The following PTPRK variants were observed in gnomAD, a reference collection of about 807,000 sequenced individuals.
PTPRK encodes protein tyrosine phosphatase receptor type K, also known as receptor-type tyrosine-protein phosphatase kappa.
In PTPRK, 75 loss-of-function variants were observed where a neutral mutation model predicts 178.0. That is an observed-to-expected ratio of 0.42 (90% CI 0.35 to 0.51). The LOEUF (loss-of-function observed/expected upper bound fraction) is 0.51. Among genes scored for constraint, PTPRK ranks in the 20% least tolerant of loss-of-function variants. The pLI is 0.02. For synonymous variants in PTPRK, 637 were observed against 620.6 expected, an observed-to-expected ratio of 1.03 and a Z score of -0.39; for missense variants, 1,441 against 1,797.8, an observed-to-expected ratio of 0.80 and a Z score of 3.59.
At chr6:128,236,380 G>A (rs368819145) in intron 5 of PTPRK, among the ~76,000 whole-genome samples, 3 of 118,352 alleles carry the variant, frequency 2.5e-5, no homozygotes, top group Admixed American at 1.2e-4. Flanking sequence ...ACACATTCTC[G>A]CTCTGTCACC....
intron 13 of PTPRK, among the ~76,000 whole-genome samples, chr6:128,009,934 G>A (rs968523394): frequency 1.3e-5 from 2 of 151,004 alleles, no homozygotes; most frequent in Non-Finnish European, 3.0e-5. Context: ...TTCTTTGTAT[G>A]CCCTAACTTC....
chr6:128,507,471 T>A (rs1450412821), intron 1 of PTPRK, among the ~76,000 whole-genome samples: 1 of 152,090 alleles, frequency 6.6e-6, no homozygotes, highest in Non-Finnish European at 1.5e-5. Flanking sequence ...GTTGTCCCCT[T>A]CATAATGAAT....
chr6:128,343,767 T>A (rs1219095942), intron 2 of PTPRK, among the ~76,000 whole-genome samples: 1 of 152,226 alleles, frequency 6.6e-6, no homozygotes, highest in Non-Finnish European at 1.5e-5. Flanking sequence ...AACAGAGTTG[T>A]TTGCATTTTT....
intron 3 of PTPRK, among the ~76,000 whole-genome samples, chr6:128,279,305 A>C (rs1040560064): frequency 9.9e-5 from 15 of 152,212 alleles, no homozygotes; most frequent in Non-Finnish European, 2.1e-4. Context: ...ACAACAACAA[A>C]AAATTAACAT....
intron 2 of PTPRK, among the ~76,000 whole-genome samples, chr6:128,340,311 A>T (rs1234684037): frequency 1.3e-5 from 2 of 152,218 alleles, no homozygotes; most frequent in East Asian, 3.9e-4. Flanking sequence ...CATGGCAACC[A>T]GACAGGGCTT....
chr6:128,218,937 G>C lies in PTPRK; in HGVS notation c.853C>G (p.Gln285Glu). 2 of 1,610,518 alleles carry C rather than the reference G, an allele frequency of 1.2e-6. No homozygotes were observed. The highest frequency in any genetic ancestry group is 1.7e-6 in the Non-Finnish European group (2 of 1,178,102). ...TTCACCTTACCTCTCACAATAAGTT[G>C]AGCAAAATTGGACACACCGGAACCT... ...ERGSGVSNFA[Q>E]LIVREPPRPI... Residue 285 changes from glutamine to glutamate, a missense_variant, in exon 6 of 30, where the codon CAA becomes GAA. Around this residue, in one of 4 missense-constraint regions of PTPRK, gnomAD observed 945 missense variants for 1,080.6 expected, o/e 0.87. Transcript: ENST00000368226.
At chr6:128,378,490 T>A (rs1430532650) in intron 2 of PTPRK, among the ~76,000 whole-genome samples, 1 of 151,878 alleles carries the variant, frequency 6.6e-6, no homozygotes, top group Non-Finnish European at 1.5e-5. Context: ...GACTTATGTA[T>A]AATTTCCATG....
chr6:127,990,082 A>G (rs1320158767), intron 21 of PTPRK, among the ~76,000 whole-genome samples: 1 of 152,138 alleles, frequency 6.6e-6, no homozygotes, highest in African/African-American at 2.4e-5. Context: ...AATTCAGACC[A>G]TGTTATCCCT....
intron 3 of PTPRK, among the ~76,000 whole-genome samples, chr6:128,284,969 T>C (rs1355089661): frequency 6.6e-6 from 1 of 152,124 alleles, no homozygotes; most frequent in Non-Finnish European, 1.5e-5. Flanking sequence ...AGTTATGGGC[T>C]AGCATTGTGT....
At chr6:128,215,497 T>A (rs532111239) in intron 6 of PTPRK, among the ~76,000 whole-genome samples, 135 of 152,318 alleles carry the variant, frequency 8.9e-4, no homozygotes, top group African/African-American at 3.1e-3. Context: ...TCAATAGAGA[T>A]TGGCCTCCAT....
At position 128,465,374 on chromosome 6, in the gene PTPRK, C is replaced by T. The variant is rs1027337230; in HGVS notation, c.100+54885G>A. Among the ~76,000 whole-genome samples the T allele has an allele frequency of 3.3e-5, 5 of 151,962 alleles. No individual in the cohort carries two copies. In the South Asian group the frequency reaches 8.3e-4, roughly 25 times the overall value. On this transcript the variant is annotated intron_variant, in intron 1 of 29. Transcript: ENST00000368226. ...AATTCCTTTTGTTACTACTATAAGG[C>T]TATAAATAGCTCAATTTCAAACAAT...
intron 2 of PTPRK, among the ~76,000 whole-genome samples, chr6:128,388,727 A>G (rs1027763069): frequency 6.6e-6 from 1 of 152,224 alleles, no homozygotes; most frequent in Non-Finnish European, 1.5e-5. Context: ...CTTCACCTAC[A>G]GAATGATGTA....
At chr6:128,483,529 T>G (rs986597815) in intron 1 of PTPRK, among the ~76,000 whole-genome samples, 4 of 152,162 alleles carry the variant, frequency 2.6e-5, no homozygotes, top group African/African-American at 9.7e-5. Flanking sequence ...ATATTGAACC[T>G]GACTCTCTTT....
chr6:128,422,625 G>A (rs1269861744), intron 1 of PTPRK, among the ~76,000 whole-genome samples: 1 of 112,310 alleles, frequency 8.9e-6, no homozygotes, highest in Non-Finnish European at 1.7e-5. Context: ...CAGCATGGGA[G>A]AACACTTTTT....
At chr6:128,380,691 T>C (rs1243967024) in intron 2 of PTPRK, among the ~76,000 whole-genome samples, 1 of 152,050 alleles carries the variant, frequency 6.6e-6, no homozygotes, top group African/African-American at 2.4e-5. Flanking sequence ...TTAATTATCA[T>C]AGTATGTAAA....
At chr6:128,348,066 G>T (rs1328264966) in intron 2 of PTPRK, among the ~76,000 whole-genome samples, 1 of 151,816 alleles carries the variant, frequency 6.6e-6, no homozygotes, top group East Asian at 1.9e-4. Context: ...TTGTAGCTTT[G>T]ACACAACACA....
At chr6:128,470,976 T>TA (rs1211172256) in intron 1 of PTPRK, among the ~76,000 whole-genome samples, 1 of 151,546 alleles carries the variant, frequency 6.6e-6, no homozygotes, top group Non-Finnish European at 1.5e-5. Context: ...CAAGGAAAGT[T>TA]AAAATCACAT....
chr6:128,411,740 G>A (rs1047990776), intron 1 of PTPRK, among the ~76,000 whole-genome samples: 2 of 152,110 alleles, frequency 1.3e-5, no homozygotes, highest in Non-Finnish European at 2.9e-5. Flanking sequence ...ACAGTTCACA[G>A]CACACAGTAA....
chr6:128,414,385 T>C (rs1842618520), intron 1 of PTPRK, among the ~76,000 whole-genome samples: 1 of 152,198 alleles, frequency 6.6e-6, no homozygotes, highest in South Asian at 2.1e-4. Context: ...CTTTCCCTGT[T>C]GCACACCACC....
Sources: allele counts gnomAD v4.1 joint callset (sites outside exome capture counted in the v4.1 genomes callset), GRCh38; gene constraint gnomAD v4.1.1; regional missense constraint gnomAD v4.1.1; transcripts MANE v1.5; gene names NCBI Gene and HGNC (gene_info 2026-07-23, HGNC 2026-07-21).